Variants in MAP7D1 observed in about 807,000 individuals in gnomAD.
MAP7D1 encodes the protein MAP7 domain containing 1.
In MAP7D1, 30 loss-of-function variants were observed where a neutral mutation model predicts 97.5. The ratio of observed to expected loss-of-function variants is 0.31; its 90% CI spans 0.23 to 0.42. MAP7D1 has a LOEUF of 0.42. Ranked by LOEUF, MAP7D1 falls within the 10% of genes least tolerant of loss-of-function variation. The pLI is 1.00. For missense variants in MAP7D1, 1,184 were observed against 1,179.5 expected (o/e 1.00, Z -0.06); for synonymous variants, 536 against 477.1 (o/e 1.12, Z -1.61).
At chr1:36,179,596 A>G in intron 14 of MAP7D1, 39 bp downstream of exon 14, 6 of 1,553,772 alleles carry the variant, frequency 3.9e-6, no homozygotes, top group Non-Finnish European at 5.2e-6. Flanking sequence ...TCCCTTTGCC[A>G]TCCTCCTCCT....
At chr1:36,158,240 A>T (rs1412939613) in intron 1 of MAP7D1, among the ~76,000 whole-genome samples, 1 of 152,026 alleles carries the variant, frequency 6.6e-6, no homozygotes, top group Non-Finnish European at 1.5e-5. Context: ...ATACACAGGG[A>T]TCTAGATGGA....
chr1:36,168,970 G>A (rs150922822), intron 1 of MAP7D1, among the ~76,000 whole-genome samples: 13 of 152,206 alleles, frequency 8.5e-5, no homozygotes, highest in African/African-American at 1.9e-4. Flanking sequence ...TAACATATAA[G>A]GCCGGGTGCA....
In MAP7D1 at chr1:36,180,592, G is replaced by C. The variant is rs938856320; in HGVS notation, c.*334G>C. 2.5e-6 allele frequency: 1 copy of C among 393,448 alleles called. No individual in the cohort carries two copies. Among genetic ancestry groups the C allele is most frequent in the Non-Finnish European group, 4.7e-6 (1 of 211,458 alleles). 24.4% of individuals were successfully genotyped at this position (393,448 alleles called of 1,614,324 possible). A position where few individuals can be genotyped will look rare whatever the true frequency, so the allele number is the denominator to read the frequency against. Reference sequence around the variant, plus strand: ...GTGGGGTACAGTGGATGTGAATACTGTAAATAGCTTGTGCTCAGACTCCTC... The same window carrying C: ...GTGGGGTACAGTGGATGTGAATACTCTAAATAGCTTGTGCTCAGACTCCTC... On this transcript the variant is annotated 3_prime_UTR_variant, in exon 17 of 17. Transcript: ENST00000474796.
chr1:36,179,939 A>G lies in MAP7D1; in HGVS notation c.2384A>G (p.Glu795Gly), dbSNP rs748149585. The G allele has an allele frequency of 1.2e-6, 2 of 1,614,176 alleles. No individual in the cohort carries two copies. Among genetic ancestry groups the G allele is most frequent in the South Asian group, 2.2e-5 (2 of 91,090 alleles). Residue 795 changes from glutamate (E) to glycine (G), a missense_variant, in exon 16 of 17, where the codon GAG (glutamate) becomes GGG (glycine). Physicochemically the swap from Glu to Gly is moderately conservative, Grantham distance 98. Transcript: ENST00000474796. ...CTGCAGCCTCTCCCAGCACACCAGGAGAATGGCTTCTCCACCAACGGACCC... is the reference window on the plus strand; with the variant it reads ...CTGCAGCCTCTCCCAGCACACCAGGGGAATGGCTTCTCCACCAACGGACCC... ...NGLQPLPAHQ[E>G]NGFSTNGPSG... is the part of the protein sequence containing the mutation.
At position 36,176,495 on chromosome 1, in the gene MAP7D1, G is replaced by GCC; in HGVS notation, c.1151_1152dup (p.Ala385ProfsTer48). ...CGTCACCCGAAGCGTGCACCGCTGC[G>GCC]CCCCCGCCGGTGAGCGCGGGGAGCG... On this transcript the variant is annotated frameshift_variant, in exon 7 of 17. Transcript: ENST00000474796. LOFTEE classifies it high-confidence loss of function. This position sits in a 1 kb window ranked among gnomAD's most constrained non-coding sequence, Gnocchi z 6.1. The GCC allele has an allele frequency of 7.3e-7, 1 of 1,374,368 alleles. No homozygotes were observed. 85.1% of individuals were successfully genotyped at this position (1,374,368 alleles called of 1,614,324 possible).
At position 36,178,460 on chromosome 1, in the gene MAP7D1, G is replaced by A; in HGVS notation, c.1750G>A (p.Val584Met). ...LTSPPAPAPP[V>M]TPSKPMAGTT... is the part of the protein sequence containing the mutation. ...CTCACCCCCAGCCCCTGCTCCCCCG[G>A]TGACCCCTAGCAAACCAATGGCCGG... The change falls in exon 10 of 17, where the codon GTG becomes ATG. Residue 584 changes from valine to methionine, a missense_variant. Val to Met is a conservative substitution (Grantham distance 21). Transcript: ENST00000474796. The A allele has an allele frequency of 6.2e-7, 1 of 1,611,708 alleles. No homozygotes were observed. The highest frequency in any genetic ancestry group is 1.3e-5 in the African/African-American group (1 of 75,020).
At chr1:36,162,489 C>T (rs892181545) in intron 1 of MAP7D1, among the ~76,000 whole-genome samples, 2 of 152,208 alleles carry the variant, frequency 1.3e-5, no homozygotes, top group African/African-American at 2.4e-5. Context: ...AGGGTTTTGT[C>T]ATCAGACAAC....
At chr1:36,177,026 C>T (rs1316613665) in intron 8 of MAP7D1, among the ~76,000 whole-genome samples, 184 bp downstream of exon 8, 1 of 152,186 alleles carries the variant, frequency 6.6e-6, no homozygotes, top group Non-Finnish European at 1.5e-5. Context: ...TCTCGGCTCA[C>T]TGCAGCCTTG....
rs1644704139 is a variant in MAP7D1 at position 36,180,651 on chromosome 1, T to C, written c.*393T>C. ...GAGGGTGGGTGCAGGAGGCAGACCC[T>C]CCCCCCAAAGCCCCCTGGGGAGATC... On this transcript the variant is annotated 3_prime_UTR_variant, in exon 17 of 17. Transcript: ENST00000474796. The C allele has an allele frequency of 1.2e-5, 3 of 256,980 alleles. No homozygotes were observed. The highest frequency in any genetic ancestry group is 9.7e-5 in the South Asian group (2 of 20,534). 15.9% of individuals were successfully genotyped at this position (256,980 alleles called of 1,614,324 possible).
chr1:36,178,544 G>A lies in MAP7D1; in HGVS notation c.1834G>A (p.Glu612Lys). 6.3e-7 allele frequency: 1 copy of A among 1,598,172 alleles called. No homozygotes were observed. The highest frequency in any genetic ancestry group is 8.5e-7 in the Non-Finnish European group (1 of 1,173,192). The change falls in exon 10 of 17, where the codon GAG becomes AAG. Residue 612 changes from glutamate to lysine, a missense_variant. Glu to Lys is a moderately conservative substitution (Grantham distance 56). Transcript: ENST00000474796. ...GGCTGAGAAGCGGCGCCAGGCCCGGGAGCAGCGGGAGCGCGAGGAGCAGGA... is the reference window on the plus strand; with the variant it reads ...GGCTGAGAAGCGGCGCCAGGCCCGGAAGCAGCGGGAGCGCGAGGAGCAGGA... The part of the protein sequence containing the change: ...LLAEKRRQAR[E>K]QREREEQERR...
In MAP7D1 at chr1:36,179,268, G is replaced by A. The variant is rs962530166; in HGVS notation, c.2137G>A (p.Glu713Lys). The A allele has an allele frequency of 6.2e-7, 1 of 1,614,058 alleles. No homozygotes were observed. Among genetic ancestry groups the A allele is most frequent in the Non-Finnish European group, 8.5e-7 (1 of 1,179,966 alleles). ...QERQERRKRL[E>K]EIMKRTRKSE... The stretch of plus-strand genomic sequence containing the variant: ...ATCTGCGGCCTCCAAACAGCGTCTG[G>A]AGGAGATCATGAAGAGGACTCGGAA... Residue 713 changes from glutamate to lysine, a missense_variant, in exon 13 of 17, where the codon GAG (glutamate) becomes AAG (lysine). Glu to Lys is a moderately conservative substitution (Grantham distance 56). Coordinates refer to ENST00000474796, the MANE Select transcript of MAP7D1 (RefSeq NM_001388490.1).
chr1:36,179,931 A>G lies in MAP7D1; in HGVS notation c.2376A>G (p.Ala792=), dbSNP rs902137231. Residue 792 remains alanine (A), a synonymous_variant, in exon 16 of 17, where the codon GCA becomes GCG. Coordinates refer to ENST00000474796, the MANE Select transcript of MAP7D1 (RefSeq NM_001388490.1). ...TGAATGGCCTGCAGCCTCTCCCAGC[A>G]CACCAGGAGAATGGCTTCTCCACCA... ...SLVNGLQPLP[A]HQENGFSTNG... 4 of 1,614,024 alleles carry G rather than the reference A, an allele frequency of 2.5e-6. No homozygotes were observed. In the Admixed American group the frequency reaches 6.7e-5, roughly 27 times the overall value.
chr1:36,161,971 T>G (rs1403757582), intron 1 of MAP7D1, among the ~76,000 whole-genome samples: 1 of 152,038 alleles, frequency 6.6e-6, no homozygotes, highest in East Asian at 1.9e-4. Flanking sequence ...TTACATTGTC[T>G]GGTGTCTGTC....
intron 1 of MAP7D1, among the ~76,000 whole-genome samples, chr1:36,167,967 C>T (rs1047442659): frequency 3.3e-5 from 5 of 152,206 alleles, no homozygotes; most frequent in Non-Finnish European, 7.3e-5. Context: ...AATACTTACA[C>T]ACCCAGGCTT....
chr1:36,177,620 A>G (rs2124247657), intron 8 of MAP7D1: 1 of 721,706 alleles, frequency 1.4e-6, no homozygotes, highest in Non-Finnish European at 2.5e-6. Flanking sequence ...TAACCCAAGC[A>G]TGGTTTTTTC....
At chr1:36,167,741 G>T (rs1244744292) in intron 1 of MAP7D1, among the ~76,000 whole-genome samples, 1 of 133,092 alleles carries the variant, frequency 7.5e-6, no homozygotes, top group Non-Finnish European at 1.7e-5. Flanking sequence ...CCTGGGTGCA[G>T]GTTCTTCCAA....
rs781077092 is a variant in MAP7D1 at position 36,176,880 on chromosome 1, G to C, written c.1379+38G>C. 4.6e-6 allele frequency: 7 copies of C among 1,512,220 alleles called. No individual in the cohort carries two copies. The highest frequency in any genetic ancestry group is 1.2e-5 in the South Asian group (1 of 83,848). The allele number at this position is 1,512,220 out of a possible 1,614,324, so 93.7% of individuals were successfully genotyped here. The stretch of plus-strand genomic sequence containing the variant: ...GGTGCGAGGGACCCTGCCCCTCACC[G>C]GGTCATTTATTCATCACCCACAAAT... On this transcript the variant is annotated intron_variant, in intron 8 of 16. Transcript: ENST00000474796. The surrounding 1 kb of genome is among the most constrained non-coding windows in gnomAD (Gnocchi z 6.1).
intron 1 of MAP7D1, among the ~76,000 whole-genome samples, chr1:36,158,962 A>C (rs1342023028): frequency 2.0e-5 from 3 of 152,220 alleles, no homozygotes; most frequent in Non-Finnish European, 4.4e-5. Flanking sequence ...GGCATCCTTA[A>C]ATTAGATGAA....
At chr1:36,165,666 C>T (rs1337318596) in intron 1 of MAP7D1, among the ~76,000 whole-genome samples, 1 of 150,588 alleles carries the variant, frequency 6.6e-6, no homozygotes, top group Non-Finnish European at 1.5e-5. Context: ...ATCCTCCTGT[C>T]TGGGTCTCCC....
Sources: allele counts gnomAD v4.1 joint callset (sites outside exome capture counted in the v4.1 genomes callset), GRCh38; gene constraint gnomAD v4.1.1; non-coding constraint Gnocchi (gnomAD v3.1); transcripts MANE v1.5; gene names NCBI Gene and HGNC (gene_info 2026-07-23, HGNC 2026-07-21).